Variants in ESYT2 observed in about 807,000 individuals in gnomAD.
ESYT2 encodes extended synaptotagmin 2, also known as extended synaptotagmin-2.
Under a neutral mutation model 107.2 loss-of-function variants are expected in ESYT2, and 54 were observed. The ratio of observed to expected loss-of-function variants is 0.50; its 90% CI spans 0.40 to 0.63. ESYT2 has a LOEUF of 0.63. ESYT2 is among the 30% of genes least tolerant of loss of function. The pLI, the probability that ESYT2 is intolerant of heterozygous loss-of-function variation, is 0.00. For missense variants in ESYT2, 1,020 were observed against 1,094.5 expected (o/e 0.93, Z 0.96); for synonymous variants, 491 against 434.1 (o/e 1.13, Z -1.63).
chr7:158,828,847 C>T (rs573591794), intron 1 of ESYT2, among the ~76,000 whole-genome samples: 1 of 147,484 alleles, frequency 6.8e-6, no homozygotes, highest in East Asian at 2.0e-4. Context: ...TCTGCACTCA[C>T]CTAGGTTGGC....
chr7:158,760,897 G>A (rs1365190012), intron 11 of ESYT2, among the ~76,000 whole-genome samples: 1 of 152,190 alleles, frequency 6.6e-6, no homozygotes, highest in Non-Finnish European at 1.5e-5. Context: ...GAACACTCAA[G>A]GGAAGGAAAC....
chr7:158,826,819 C>CAAAA (rs10685364), intron 1 of ESYT2, among the ~76,000 whole-genome samples: 2,690 of 116,772 alleles, frequency 0.023, 140 homozygotes, highest in East Asian at 0.13. Flanking sequence ...GATTCCGTCT[C>CAAAA]AAAAAAAAAA....
rs1269890070 is a variant in ESYT2 at position 158,733,024 on chromosome 7, C to G, written c.*1183G>C. 1 of 152,112 alleles carries G rather than the reference C, an allele frequency of 6.6e-6. No homozygotes were observed. The highest frequency in any genetic ancestry group is 2.4e-5 in the African/African-American group (1 of 41,400). The allele number at this position is 152,112 out of a possible 1,614,324, so 9.4% of individuals were successfully genotyped here. A position where few individuals can be genotyped will look rare whatever the true frequency, so the allele number is the denominator to read the frequency against. ...AGGATAAAAATTGCATAACAATATC[C>G]CAATATTAAGGTCAGTCATGGCATA... On this transcript the variant is annotated 3_prime_UTR_variant, in exon 23 of 23. Transcript: ENST00000275418.
At chr7:158,783,046 C>CTCAGGA (rs1202888763) in intron 6 of ESYT2, among the ~76,000 whole-genome samples, 1 of 152,156 alleles carries the variant, frequency 6.6e-6, no homozygotes, top group African/African-American at 2.4e-5. Flanking sequence ...GGACACGTGC[C>CTCAGGA]TCAGGATGCT....
chr7:158,820,297 C>G (rs1417120731), intron 1 of ESYT2, among the ~76,000 whole-genome samples: 1 of 152,180 alleles, frequency 6.6e-6, no homozygotes, highest in Non-Finnish European at 1.5e-5. Context: ...TTGTACAACA[C>G]TGTAACTATA....
chr7:158,777,938 C>A (rs536616469), intron 6 of ESYT2, among the ~76,000 whole-genome samples: 6 of 152,300 alleles, frequency 3.9e-5, no homozygotes, highest in Admixed American at 3.9e-4. Context: ...CGCTTCACAG[C>A]ACGGACAGGC....
Position 158,741,740 on chromosome 7 carries a change from G to T in ESYT2, c.1951C>A (p.Pro651Thr), listed in dbSNP as rs142828365. ...GGCTTATCACTGCCCCCAATGACTGGTGTGGATGGAGCTGTGTTGCTGCCA... is the reference window on the plus strand; with the variant it reads ...GGCTTATCACTGCCCCCAATGACTGTTGTGGATGGAGCTGTGTTGCTGCCA... ...PGGSNTAPST[P>T]VIGGSDKPGM... The change falls in exon 18 of 23, where the codon CCA becomes ACA. Residue 651 changes from proline to threonine, a missense_variant. Physicochemically the swap from Pro to Thr is conservative, Grantham distance 38 (BLOSUM62 -1). Coordinates refer to ENST00000275418, the MANE Select transcript of ESYT2 (RefSeq NM_001367773.1). 2 of 1,613,988 alleles carry T rather than the reference G, an allele frequency of 1.2e-6. No homozygotes were observed. The highest frequency in any genetic ancestry group is 1.7e-6 in the Non-Finnish European group (2 of 1,180,024).
At chr7:158,744,852 C>A (rs753055131) in intron 16 of ESYT2, among the ~76,000 whole-genome samples, 1 of 152,184 alleles carries the variant, frequency 6.6e-6, no homozygotes, top group Non-Finnish European at 1.5e-5. Flanking sequence ...TTGCATATTT[C>A]TTTTCAAACT....
chr7:158,829,179 C>T lies in ESYT2; in HGVS notation c.240G>A (p.Lys80=). Residue 80 remains lysine, a synonymous_variant, in exon 1 of 23, where the codon AAG becomes AAA. Coordinates refer to ENST00000275418, the MANE Select transcript of ESYT2 (RefSeq NM_001367773.1). The part of the protein sequence containing the change: ...LAWCRRSRGL[K]ALRLCRALAL... ...CCAGCGCGCGGCACAGGCGCAGGGC[C>T]TTGAGGCCGCGGCTGCGGCGACACC... The T allele has an allele frequency of 1.3e-5, 20 of 1,540,920 alleles. No homozygotes were observed. The highest frequency in any genetic ancestry group is 1.6e-5 in the Non-Finnish European group (19 of 1,152,042).
At chr7:158,803,283 G>C (rs940716435) in intron 1 of ESYT2, among the ~76,000 whole-genome samples, 1 of 152,224 alleles carries the variant, frequency 6.6e-6, no homozygotes, top group Admixed American at 6.5e-5. Context: ...ACATCTAAGC[G>C]GGTAGCTTTG....
chr7:158,811,058 G>A (rs757519084), intron 1 of ESYT2, among the ~76,000 whole-genome samples: 1 of 151,780 alleles, frequency 6.6e-6, no homozygotes, highest in Non-Finnish European at 1.5e-5. Flanking sequence ...ACTCTGGGAC[G>A]CCAAGGTGGG....
intron 14 of ESYT2, 139 bp downstream of exon 14, chr7:158,752,642 A>G (rs1837621722): frequency 2.4e-6 from 1 of 423,774 alleles, no homozygotes; most frequent in African/African-American, 2.1e-5. Flanking sequence ...ATTGGATAAC[A>G]AAAGTAGGGT....
rs771464234 is a variant in ESYT2, at chr7:158,741,600, C to T, written c.2091G>A (p.Pro697=). The change falls in exon 18 of 23, where the codon CCG becomes CCA. Residue 697 remains proline (P), a synonymous_variant. Transcript: ENST00000275418. ...AGATGTCCGAGGCGATGCTGGGGGT[C>T]GGCTCCTTGACTGAGATGTGGCCTG... The part of the protein sequence containing the change: ...ASPGHISVKE[P]TPSIASDISL... The T allele has an allele frequency of 1.2e-5, 19 of 1,611,654 alleles. No individual in the cohort carries two copies. The Admixed American group carries it at 1.8e-4, about 16-fold the overall frequency.
chr7:158,738,594 A>G (rs984664305), intron 19 of ESYT2, among the ~76,000 whole-genome samples: 3 of 151,122 alleles, frequency 2.0e-5, no homozygotes, highest in African/African-American at 7.3e-5. Flanking sequence ...AGCTGGGATT[A>G]CAGGCATGCA....
intron 1 of ESYT2, among the ~76,000 whole-genome samples, chr7:158,820,287 T>C (rs1009296053): frequency 6.6e-6 from 1 of 152,216 alleles, no homozygotes; most frequent in Non-Finnish European, 1.5e-5. Context: ...AAGAGATCTA[T>C]TGTACAACAC....
At chr7:158,744,488 C>A (rs1837331735) in intron 16 of ESYT2, among the ~76,000 whole-genome samples, 1 of 152,170 alleles carries the variant, frequency 6.6e-6, no homozygotes, top group Non-Finnish European at 1.5e-5. Flanking sequence ...AAGCCTTCTC[C>A]ATTCAAAATC....
At chr7:158,750,919 G>A (rs1237448915) in intron 14 of ESYT2, among the ~76,000 whole-genome samples, 3 of 152,080 alleles carry the variant, frequency 2.0e-5, no homozygotes, top group Non-Finnish European at 2.9e-5. Flanking sequence ...CAGAACCCCC[G>A]GACTTTAGAG....
intron 1 of ESYT2, among the ~76,000 whole-genome samples, chr7:158,807,484 T>C (rs951172127): frequency 1.8e-4 from 27 of 152,186 alleles, no homozygotes; most frequent in Non-Finnish European, 3.8e-4. Flanking sequence ...CTGTTTCCTT[T>C]TTAATTATTT....
intron 19 of ESYT2, among the ~76,000 whole-genome samples, chr7:158,738,738 C>G (rs890029213): frequency 1.3e-5 from 2 of 152,180 alleles, no homozygotes; most frequent in Non-Finnish European, 2.9e-5. Context: ...CAGGCGTGAG[C>G]CACCATGCCA....
Sources: allele counts gnomAD v4.1 joint callset (sites outside exome capture counted in the v4.1 genomes callset), GRCh38; gene constraint gnomAD v4.1.1; transcripts MANE v1.5; gene names NCBI Gene and HGNC (gene_info 2026-07-23, HGNC 2026-07-21).